The following FER1L5 variants were observed in gnomAD, a reference collection of about 807,000 sequenced individuals.
FER1L5 encodes the protein fer-1-like protein 5.
In FER1L5, 187 loss-of-function variants were observed where a neutral mutation model predicts 279.9. The ratio of observed to expected loss-of-function variants is 0.67; its 90% CI spans 0.59 to 0.75. The LOEUF (loss-of-function observed/expected upper bound fraction) is 0.75. Ranked by LOEUF, FER1L5 falls within the 30% of genes least tolerant of loss-of-function variation. The pLI, the probability that FER1L5 is intolerant of heterozygous loss-of-function variation, is 0.00. For missense variants in FER1L5, 2,091 were observed against 2,594.4 expected (o/e 0.81, Z 4.21); for synonymous variants, 921 against 989.7 (o/e 0.93, Z 1.30).
chr2:96,646,938 T>A, intron 2 of FER1L5, 126 bp from the exon 3 acceptor site: 1 of 963,862 alleles, frequency 1.0e-6, no homozygotes, highest in Non-Finnish European at 1.5e-6. Flanking sequence ...AAATTAGACA[T>A]GAGGGAGGTT....
Position 96,684,322 on chromosome 2 carries a change from C to T in FER1L5, c.1670-5C>T. 1 of 1,551,184 alleles carries T rather than the reference C, an allele frequency of 6.4e-7. No individual in the cohort carries two copies. The highest frequency in any genetic ancestry group is 1.2e-5 in the South Asian group (1 of 84,036). Reference sequence around the variant, plus strand: ...CCCATCCCTCCATGTGTCTCTGTGTCTCAGGGAACATCTACCATTATGTGC... The same window carrying T: ...CCCATCCCTCCATGTGTCTCTGTGTTTCAGGGAACATCTACCATTATGTGC... On this transcript the variant is annotated splice_region_variant and splice_polypyrimidine_tract_variant and intron_variant, in intron 19 of 52. Coordinates refer to ENST00000624922, the MANE Select transcript of FER1L5 (RefSeq NM_001293083.2).
Position 96,690,525 on chromosome 2 carries a change from C to T in FER1L5, c.2679C>T (p.Cys893=), listed in dbSNP as rs1182546925. Residue 893 remains cysteine (C), a synonymous_variant, in exon 27 of 53, where the codon TGC becomes TGT. Transcript: ENST00000624922. ...QPMEARENVK[C]PQGWHFKKDW... is the part of the protein sequence containing the mutation. ...TGGAGGCCCGGGAGAACGTGAAGTGCCCCCAAGGCTGGCACTTTAAGAAGG... is the reference window on the plus strand; with the variant it reads ...TGGAGGCCCGGGAGAACGTGAAGTGTCCCCAAGGCTGGCACTTTAAGAAGG... The T allele has an allele frequency of 6.4e-7, 1 of 1,551,636 alleles. No homozygotes were observed. The highest frequency in any genetic ancestry group is 1.2e-5 in the South Asian group (1 of 84,058).
Position 96,692,029 on chromosome 2 carries a change from G to A in FER1L5, c.3214+66G>A, listed in dbSNP as rs202244717. 46 of 975,540 alleles carry A rather than the reference G, an allele frequency of 4.7e-5. 1 individual carries two copies. Among genetic ancestry groups the A allele is most frequent in the South Asian group, 2.7e-4 (19 of 71,042 alleles). 60.4% of individuals were successfully genotyped at this position (975,540 alleles called of 1,614,324 possible). The stretch of plus-strand genomic sequence containing the variant: ...GCCAGTACCCGAGGGCGGGGGGGGG[G>A]GACAGGGTGGGGGCAGTCAGAGGGA... On this transcript the variant is annotated intron_variant, in intron 30 of 52. Coordinates refer to ENST00000624922, the MANE Select transcript of FER1L5 (RefSeq NM_001293083.2).
chr2:96,666,464 C>T (rs1418665821), intron 14 of FER1L5, among the ~76,000 whole-genome samples: 2 of 151,720 alleles, frequency 1.3e-5, no homozygotes, highest in East Asian at 3.9e-4. Context: ...CTCCTTGGCC[C>T]CTTAGCTGTC....
chr2:96,677,304 C>T (rs2076545672), intron 19 of FER1L5, among the ~76,000 whole-genome samples: 1 of 152,216 alleles, frequency 6.6e-6, no homozygotes, highest in African/African-American at 2.4e-5. Flanking sequence ...TCCCCACCCC[C>T]AGGTCCACAC....
At position 96,694,230 on chromosome 2, in the gene FER1L5, C is replaced by A; in HGVS notation, c.3637-130C>A. ...TGACGCTGGCCTGACCAGCCTCTCCCCTAAGTCCCCCTGCCAGCCCCTACC... is the reference window on the plus strand; with the variant it reads ...TGACGCTGGCCTGACCAGCCTCTCCACTAAGTCCCCCTGCCAGCCCCTACC... On this transcript the variant is annotated intron_variant, in intron 33 of 52. Coordinates refer to ENST00000624922, the MANE Select transcript of FER1L5 (RefSeq NM_001293083.2). The surrounding 1 kb of genome is among the most constrained non-coding windows in gnomAD (Gnocchi z 4.6). 1 of 1,301,018 alleles carries A rather than the reference C, an allele frequency of 7.7e-7. No homozygotes were observed. The highest frequency in any genetic ancestry group is 1.0e-6 in the Non-Finnish European group (1 of 969,948). The allele number at this position is 1,301,018 out of a possible 1,614,324, so 80.6% of individuals were successfully genotyped here.
rs912047558 is a variant in FER1L5 at position 96,668,936 on chromosome 2, ACCAGATCTCGT to A, written c.1239_1249del (p.Gln413HisfsTer27). On this transcript the variant is annotated frameshift_variant, in exon 16 of 53. Transcript: ENST00000624922. LOFTEE classifies it high-confidence loss of function. ...ATTGGGACTGCCAGCCTGTCCCTCAACCAGATCTCGTCCACCGGAGAAGAGATAGAAGGCAA... is the reference window on the plus strand; with the variant it reads ...ATTGGGACTGCCAGCCTGTCCCTCAACCACCGGAGAAGAGATAGAAGGCAA... 5 of 1,551,508 alleles carry A rather than the reference ACCAGATCTCGT, an allele frequency of 3.2e-6. No individual in the cohort carries two copies. Among genetic ancestry groups the A allele is most frequent in the Non-Finnish European group, 4.4e-6 (5 of 1,146,962 alleles).
intron 17 of FER1L5, among the ~76,000 whole-genome samples, chr2:96,669,427 C>T (rs2076243858): frequency 6.6e-6 from 1 of 152,182 alleles, no homozygotes; most frequent in Admixed American, 6.5e-5. Context: ...GGACACAGCA[C>T]AGGCAAGTGT....
At chr2:96,670,329 G>A (rs182338068) in intron 18 of FER1L5, 82 bp downstream of exon 18, 42 of 1,513,304 alleles carry the variant, frequency 2.8e-5, no homozygotes, top group Admixed American at 2.3e-4. Context: ...GTTTCTGACC[G>A]TGTAGAGAGG....
At chr2:96,647,915 G>T (rs542258168) in intron 4 of FER1L5, 29 bp downstream of exon 4, 1 of 1,518,850 alleles carries the variant, frequency 6.6e-7, no homozygotes, top group Non-Finnish European at 9.0e-7. Context: ...GGCCCAGGCA[G>T]GGTGGCTGGA....
chr2:96,659,371 T>C (rs1573816467), intron 9 of FER1L5, among the ~76,000 whole-genome samples: 5 of 11,822 alleles, frequency 4.2e-4, no homozygotes, highest in East Asian at 4.0e-3. Flanking sequence ...CCTTCTTTCT[T>C]TCTTTCTTTC....
chr2:96,667,389 C>G (rs930754037), intron 14 of FER1L5, among the ~76,000 whole-genome samples: 1 of 150,612 alleles, frequency 6.6e-6, no homozygotes, highest in Non-Finnish European at 1.5e-5. Context: ...CTCTTGTTGC[C>G]TAGGCTGGAG....
chr2:96,691,168 G>C lies in FER1L5; in HGVS notation c.2744-22G>C. The C allele has an allele frequency of 6.5e-7, 1 of 1,537,048 alleles. No homozygotes were observed. The highest frequency in any genetic ancestry group is 8.8e-7 in the Non-Finnish European group (1 of 1,138,756). On this transcript the variant is annotated intron_variant, in intron 27 of 52. Transcript: ENST00000624922. The surrounding 1 kb of genome is among the most constrained non-coding windows in gnomAD (Gnocchi z 6.0). The stretch of plus-strand genomic sequence containing the variant: ...ACCTGCGGGCACCTGAGGACTCAGA[G>C]GCCATGGTCCACCCACCGCAGGCTG...
intron 10 of FER1L5, 61 bp from the exon 11 acceptor site, chr2:96,661,264 G>T (rs2075943842): frequency 5.6e-6 from 7 of 1,245,014 alleles, no homozygotes; most frequent in Non-Finnish European, 7.7e-6. Context: ...ACAAAGGCTG[G>T]TTTCAGGGGA....
At chr2:96,671,416 A>G (rs2076325562) in intron 18 of FER1L5, among the ~76,000 whole-genome samples, 1 of 152,234 alleles carries the variant, frequency 6.6e-6, no homozygotes, top group Non-Finnish European at 1.5e-5. Flanking sequence ...AGTGACCAAC[A>G]GAACGTAAGT....
chr2:96,670,103 C>T lies in FER1L5; in HGVS notation c.1363-16C>T. ...TCTCTCACCCCTTTTCTCCGTTTTC[C>T]TCTCGCTTGCCCTAGTGTATTCCCG... On this transcript the variant is annotated splice_polypyrimidine_tract_variant and intron_variant, in intron 17 of 52. Transcript: ENST00000624922. The T allele has an allele frequency of 6.4e-7, 1 of 1,551,442 alleles. No individual in the cohort carries two copies. Among genetic ancestry groups the T allele is most frequent in the Non-Finnish European group, 8.7e-7 (1 of 1,146,874 alleles).
At chr2:96,671,102 A>G (rs2106574643) in intron 18 of FER1L5, among the ~76,000 whole-genome samples, 1 of 145,686 alleles carries the variant, frequency 6.9e-6, no homozygotes, top group South Asian at 2.2e-4. Flanking sequence ...GTGAGACTCC[A>G]TCTCAAAAAA....
At chr2:96,649,544 A>T in intron 4 of FER1L5, 79 bp from the exon 5 acceptor site, 1 of 1,440,674 alleles carries the variant, frequency 6.9e-7, no homozygotes. Context: ...TGTGAACCCA[A>T]CCAGGCTGTG....
chr2:96,704,210 G>A lies in FER1L5; in HGVS notation c.5802-5G>A, dbSNP rs1244810771. On this transcript the variant is annotated splice_region_variant and splice_polypyrimidine_tract_variant and intron_variant, in intron 51 of 52. Coordinates refer to ENST00000624922, the MANE Select transcript of FER1L5 (RefSeq NM_001293083.2). The stretch of plus-strand genomic sequence containing the variant: ...TTCTCTGACATCTCCCTGGCTCCTG[G>A]ACAGACGCACCAACACCTCTTTCAC... 2 of 1,613,754 alleles carry A rather than the reference G, an allele frequency of 1.2e-6. No individual in the cohort carries two copies. The highest frequency in any genetic ancestry group is 1.7e-6 in the Non-Finnish European group (2 of 1,179,828).
Sources: gnomAD v4.1 joint callset for allele counts (sites outside exome capture counted in the v4.1 genomes callset) on GRCh38, gnomAD v4.1.1 for gene constraint, Gnocchi (gnomAD v3.1) non-coding constraint, MANE v1.5 for transcripts, NCBI Gene and HGNC (gene_info 2026-07-23, HGNC 2026-07-21) for gene names.